NDUFV1: variants seen among roughly 807,000 people sequenced by gnomAD.
NDUFV1 encodes the protein NADH:ubiquinone oxidoreductase core subunit V1.
A neutral mutation model predicts 48.7 loss-of-function variants in NDUFV1; 41 were observed. The ratio of observed to expected loss-of-function variants is 0.84; its 90% CI spans 0.66 to 1.09. The LOEUF is 1.09. Ranked by LOEUF, NDUFV1 falls within the 50% of genes least tolerant of loss-of-function variation. The pLI, the probability that NDUFV1 is intolerant of heterozygous loss-of-function variation, is 0.00. For missense variants in NDUFV1, 580 were observed against 645.4 expected, an observed-to-expected ratio of 0.90 and a Z score of 1.10; for synonymous variants, 231 against 259.1, an observed-to-expected ratio of 0.89 and a Z score of 1.04.
chr11:67,610,259 T>C, intron 4 of NDUFV1, 122 bp from the exon 5 acceptor site: 1 of 1,179,126 alleles, frequency 8.5e-7, no homozygotes, highest in Middle Eastern at 2.0e-4. Flanking sequence ...AGCAAAATTT[T>C]TTATACCAGG....
intron 4 of NDUFV1, chr11:67,610,105 C>T (rs559962684): frequency 2.3e-5 from 11 of 476,460 alleles, no homozygotes; most frequent in South Asian, 1.7e-4. Context: ...TTTTATTTTT[C>T]CTTTACAGAC....
rs139824241 is a variant in NDUFV1 at position 67,609,473 on chromosome 11, C to T, written c.348C>T (p.Asn116=). 5.2e-4 allele frequency: 836 copies of T among 1,613,464 alleles called. No homozygotes were observed. The highest frequency in any genetic ancestry group is 1.5e-3 in the Admixed American group (92 of 59,990). Residue 116 remains asparagine, a synonymous_variant, in exon 4 of 10, where the codon AAC becomes AAT. Coordinates refer to ENST00000322776, the MANE Select transcript of NDUFV1 (RefSeq NM_007103.4). The part of the protein sequence containing the change: ...SDGRPKYLVV[N]ADEGEPGTCK... ...GCAGGCCCAAGTATCTGGTGGTGAACGCAGACGAGGGGGAGCCGGGCACCT... is the reference window on the plus strand; with the variant it reads ...GCAGGCCCAAGTATCTGGTGGTGAATGCAGACGAGGGGGAGCCGGGCACCT...
At position 67,612,030 on chromosome 11, in the gene NDUFV1, C is replaced by A. The variant is rs763494870; in HGVS notation, c.1162+52C>A. The A allele has an allele frequency of 6.2e-7, 1 of 1,613,490 alleles. No homozygotes were observed. Among genetic ancestry groups the A allele is most frequent in the Middle Eastern group, 1.7e-4 (1 of 6,058 alleles). ...GCTTGCTGTGGCTTCATTTAACCTC[C>A]TCCCCACCACGTGGCCTGCAGCCCT... On this transcript the variant is annotated intron_variant, in intron 8 of 9. Transcript: ENST00000322776. This position sits in a 1 kb window ranked among gnomAD's most constrained non-coding sequence, Gnocchi z 4.4.
intron 1 of NDUFV1, chr11:67,607,535 C>T (rs1854831368): frequency 4.4e-6 from 2 of 458,400 alleles, no homozygotes; most frequent in Non-Finnish European, 4.4e-6. Flanking sequence ...CTCATTTCAT[C>T]CTAAGTGAGC....
chr11:67,612,012 G>C lies in NDUFV1; in HGVS notation c.1162+34G>C. On this transcript the variant is annotated intron_variant, in intron 8 of 9. Coordinates refer to ENST00000322776, the MANE Select transcript of NDUFV1 (RefSeq NM_007103.4). This position sits in a 1 kb window ranked among gnomAD's most constrained non-coding sequence, Gnocchi z 4.4. ...CGGGCAGGTTGGGGGCTTGCTTGCT[G>C]TGGCTTCATTTAACCTCCTCCCCAC... The C allele has an allele frequency of 6.2e-7, 1 of 1,613,632 alleles. No homozygotes were observed. The highest frequency in any genetic ancestry group is 8.5e-7 in the Non-Finnish European group (1 of 1,179,912).
In NDUFV1 at chr11:67,608,552, G is replaced by A. The variant is rs199609729; in HGVS notation, c.156G>A (p.Arg52=). 3.1e-6 allele frequency: 5 copies of A among 1,614,198 alleles called. No homozygotes were observed. Among genetic ancestry groups the A allele is most frequent in the Non-Finnish European group, 3.4e-6 (4 of 1,180,042 alleles). Residue 52 remains arginine, a splice_region_variant and synonymous_variant, in exon 3 of 10, where the codon AGG becomes AGA. Transcript: ENST00000322776. ...FTNLYGRHDW[R]LKGSLSRGDW... ...TCATTGCCTTCCCTATTCTGTCCAG[G>A]CTGAAAGGTTCCCTGAGTCGAGGTG...
chr11:67,609,518 AC>A lies in NDUFV1; in HGVS notation c.394del (p.Arg132AlafsTer50). 1 of 1,613,492 alleles carries A rather than the reference AC, an allele frequency of 6.2e-7. No homozygotes were observed. The highest frequency in any genetic ancestry group is 8.5e-7 in the Non-Finnish European group (1 of 1,179,846). On this transcript the variant is annotated frameshift_variant, in exon 4 of 10. Coordinates refer to ENST00000322776, the MANE Select transcript of NDUFV1 (RefSeq NM_007103.4). LOFTEE classifies it high-confidence loss of function. ...GCACCTGCAAGGACCGGGAGATCTT[AC>A]GCCATGATCCTCACAAGCTGCTGGA... Reference protein sequence around the residue: ...PGTCKDREILRHDPHKLLEGC... With the variant: ...PGTCKDREILXHDPHKLLEGC...
At chr11:67,607,372 A>G in intron 1 of NDUFV1, 1 of 599,482 alleles carries the variant, frequency 1.7e-6, no homozygotes, top group Non-Finnish European at 3.1e-6. Context: ...ACAGCCTTGT[A>G]GGGCGTGAAG....
intron 4 of NDUFV1, chr11:67,609,966 GAA>G: frequency 5.5e-6 from 2 of 361,198 alleles, no homozygotes; most frequent in South Asian, 8.0e-5. Flanking sequence ...CCTATTTGGA[GAA>G]AATACATTAT....
chr11:67,611,621 C>A lies in NDUFV1; in HGVS notation c.1080+52C>A. ...CCCTGCCCTCCTGGTTGCTGTCTCC[C>A]TCCCTGGGCCTCCCAGAAAACCCTC... is the stretch of plus-strand genomic sequence containing the variant. On this transcript the variant is annotated intron_variant, in intron 7 of 9. Coordinates refer to ENST00000322776, the MANE Select transcript of NDUFV1 (RefSeq NM_007103.4). The surrounding 1 kb of genome is among the most constrained non-coding windows in gnomAD (Gnocchi z 4.2). 6.4e-7 allele frequency: 1 copy of A among 1,571,396 alleles called. No individual in the cohort carries two copies. The highest frequency in any genetic ancestry group is 1.9e-5 in the Admixed American group (1 of 52,964).
At chr11:67,607,445 A>G in intron 1 of NDUFV1, 1 of 493,740 alleles carries the variant, frequency 2.0e-6, no homozygotes, top group South Asian at 1.5e-5. Context: ...CTGCGCCCTG[A>G]AGTGGCTGAA....
Position 67,611,038 on chromosome 11 carries a change from G to A in NDUFV1, c.744G>A (p.Val248=). 6.2e-7 allele frequency: 1 copy of A among 1,614,224 alleles called. No homozygotes were observed. The highest frequency in any genetic ancestry group is 2.2e-5 in the East Asian group (1 of 44,892). ...CPTTVANVET[V]AVSPTICRRG... ...CAACTGTGGCCAACGTGGAGACAGT[G>A]GCAGTGTCCCCCACAATCTGCCGCC... The change falls in exon 6 of 10, where the codon GTG becomes GTA. Residue 248 remains valine, a synonymous_variant. Transcript: ENST00000322776. This position sits in a 1 kb window ranked among gnomAD's most constrained non-coding sequence, Gnocchi z 4.2.
At chr11:67,609,727 C>T (rs1854878046) in intron 4 of NDUFV1, 92 bp downstream of exon 4, 11 of 1,444,144 alleles carry the variant, frequency 7.6e-6, no homozygotes, top group East Asian at 6.8e-5. Flanking sequence ...GTGTTAGTAC[C>T]TGGTCTGTCA....
chr11:67,607,451 C>T, intron 1 of NDUFV1: 1 of 489,482 alleles, frequency 2.0e-6, no homozygotes, highest in Non-Finnish European at 4.0e-6. Context: ...CCTGAAGTGG[C>T]TGAAAAGTGC....
chr11:67,609,521 C>A lies in NDUFV1; in HGVS notation c.396C>A (p.Arg132=), dbSNP rs923307866. ...PGTCKDREIL[R]HDPHKLLEGC... The stretch of plus-strand genomic sequence containing the variant: ...CCTGCAAGGACCGGGAGATCTTACG[C>A]CATGATCCTCACAAGCTGCTGGAAG... Residue 132 remains arginine (R), a synonymous_variant, in exon 4 of 10, where the codon CGC becomes CGA. Transcript: ENST00000322776. 5.0e-6 allele frequency: 8 copies of A among 1,613,494 alleles called. No individual in the cohort carries two copies. Among genetic ancestry groups the A allele is most frequent in the Non-Finnish European group, 5.1e-6 (6 of 1,179,858 alleles).
Position 67,612,091 on chromosome 11 carries a change from C to T in NDUFV1, c.1163-29C>T, listed in dbSNP as rs767156119. On this transcript the variant is annotated intron_variant, in intron 8 of 9. Coordinates refer to ENST00000322776, the MANE Select transcript of NDUFV1 (RefSeq NM_007103.4). The surrounding 1 kb of genome is among the most constrained non-coding windows in gnomAD (Gnocchi z 4.4). Reference sequence around the variant, plus strand: ...CCCACATCCTGGCTGGGGAGATCATCAGGCCCTCTCTTGTGGCTGTGGCTG... The same window carrying T: ...CCCACATCCTGGCTGGGGAGATCATTAGGCCCTCTCTTGTGGCTGTGGCTG... 2.5e-6 allele frequency: 4 copies of T among 1,613,648 alleles called. No individual in the cohort carries two copies. The South Asian group carries it at 3.3e-5, about 13-fold the overall frequency.
chr11:67,611,482 G>A lies in NDUFV1; in HGVS notation c.993G>A (p.Val331=). 6.2e-7 allele frequency: 1 copy of A among 1,614,082 alleles called. No homozygotes were observed. ...CTACCCCACTGATCCCCAAGTCTGT[G>A]TGTGAGACGGTGCTGATGGACTTCG... ...GSSTPLIPKS[V]CETVLMDFDA... The change falls in exon 7 of 10, where the codon GTG becomes GTA. Residue 331 remains valine, a synonymous_variant. Transcript: ENST00000322776. This position sits in a 1 kb window ranked among gnomAD's most constrained non-coding sequence, Gnocchi z 4.2.
Position 67,609,452 on chromosome 11 carries a change from G to A in NDUFV1, c.327G>A (p.Arg109=). The change falls in exon 4 of 10, where the codon AGG becomes AGA. Residue 109 remains arginine (R), a splice_region_variant and synonymous_variant. Transcript: ENST00000322776. ...WSFMNKPSDG[R]PKYLVVNADE... ...CTGTCTGACCTGTGGGCCCCTGCAG[G>A]CCCAAGTATCTGGTGGTGAACGCAG... 1 of 1,613,328 alleles carries A rather than the reference G, an allele frequency of 6.2e-7. No individual in the cohort carries two copies. The highest frequency in any genetic ancestry group is 1.1e-5 in the South Asian group (1 of 91,050).
chr11:67,609,349 G>C, intron 3 of NDUFV1, 103 bp from the exon 4 acceptor site: 1 of 1,227,834 alleles, frequency 8.1e-7, no homozygotes, highest in South Asian at 1.3e-5. Flanking sequence ...TTGGCTGTCA[G>C]AGGAGACATC....
Sources: gnomAD v4.1 joint callset for allele counts on GRCh38, gnomAD v4.1.1 for gene constraint, Gnocchi (gnomAD v3.1) non-coding constraint, MANE v1.5 for transcripts, NCBI Gene and HGNC (gene_info 2026-07-23, HGNC 2026-07-21) for gene names.